The following XPA variants were observed in gnomAD, a reference collection of about 807,000 sequenced individuals.
XPA encodes DNA repair protein complementing XP-A cells.
XPA carries 27 observed loss-of-function variants against 35.7 expected under a neutral mutation model. The ratio of observed to expected loss-of-function variants is 0.76; its 90% CI spans 0.56 to 1.04. The LOEUF (loss-of-function observed/expected upper bound fraction) is 1.04. XPA is among the 50% of genes least tolerant of loss of function. The probability of loss-of-function intolerance (pLI) is 0.00; values close to 1 mark genes in which losing one functional copy is unlikely to be tolerated. For synonymous variants in XPA, 133 were observed against 118.4 expected (o/e 1.12, Z -0.80); for missense variants, 354 against 342.7 (o/e 1.03, Z -0.26).
At position 97,697,220 on chromosome 9, in the gene XPA, G is replaced by A; in HGVS notation, c.73C>T (p.Arg25Trp). The A allele has an allele frequency of 1.2e-6, 2 of 1,601,148 alleles. No individual in the cohort carries two copies. Among genetic ancestry groups the A allele is most frequent in the Non-Finnish European group, 8.5e-7 (1 of 1,178,922 alleles). ...EQPAELPASV[R>W]ASIERKRQRA... ...TGCCGCTTCCGCTCGATACTCGCCC[G>A]CACCGAGGCAGGCAGCTCCGCGGGT... Residue 25 changes from arginine to tryptophan, a missense_variant, in exon 1 of 6, where the codon CGG becomes TGG. By Grantham distance (101) the Arg-to-Trp change is moderately radical. Transcript: ENST00000375128.
At chr9:97,660,518 T>C in the XPA span, among the ~76,000 whole-genome samples, 1 of 152,192 alleles carries the variant, frequency 6.6e-6, no homozygotes, top group Non-Finnish European at 1.5e-5. Context: ...TCAGACTTCA[T>C]TTCCACGGTC....
chr9:97,654,993 T>TTTATGAAGTACAGGAA, the XPA span: 1 of 1,386,996 alleles, frequency 7.2e-7, no homozygotes, highest in Non-Finnish European at 9.7e-7. Context: ...TTTTACTTCC[T>TTTATGAAGTACAGGAA]GTACTTCATA....
chr9:97,693,572 G>A (rs993825411), intron 2 of XPA, 77 bp downstream of exon 2: 42 of 1,220,998 alleles, frequency 3.4e-5, no homozygotes, highest in Non-Finnish European at 5.0e-5. Flanking sequence ...GCATTATTTA[G>A]CATCACTTTG....
At chr9:97,661,139 C>T in the XPA span, 7 of 1,569,958 alleles carry the variant, frequency 4.5e-6, no homozygotes, top group Non-Finnish European at 6.1e-6. Context: ...ATAACTCTGG[C>T]AACATGATGC....
At chr9:97,657,095 T>G in the XPA span, among the ~76,000 whole-genome samples, 1 of 152,188 alleles carries the variant, frequency 6.6e-6, no homozygotes, top group Non-Finnish European at 1.5e-5. Flanking sequence ...AGCCTCCTGG[T>G]AGCTGGGACT....
chr9:97,666,967 AT>A, the XPA span: 3 of 993,162 alleles, frequency 3.0e-6, no homozygotes, highest in Non-Finnish European at 4.3e-6. Flanking sequence ...ATGATATTTC[AT>A]TTTTTCTGAG....
At chr9:97,674,316 T>TA (rs11300168), downstream of XPA, among the ~76,000 whole-genome samples, 1,068 of 151,878 alleles carry the variant, frequency 7.0e-3, 11 homozygotes, top group African/African-American at 0.023. Context: ...TGAAGGTGTT[T>TA]AAAAAAAAAT....
chr9:97,658,588 G>T, the XPA span: 1 of 1,398,656 alleles, frequency 7.1e-7, no homozygotes. Context: ...GGGTGTTACC[G>T]AAGAATGGGA....
intron 4 of XPA, among the ~76,000 whole-genome samples, chr9:97,685,920 G>A (rs1469445127): frequency 6.6e-6 from 1 of 152,254 alleles, no homozygotes; most frequent in South Asian, 2.1e-4. Context: ...CCTTTTATGT[G>A]TGCAAAAGTC....
At chr9:97,677,000 T>A (rs995845614) in intron 5 of XPA, among the ~76,000 whole-genome samples, 2 of 152,164 alleles carry the variant, frequency 1.3e-5, no homozygotes, top group African/African-American at 4.8e-5. Flanking sequence ...TAACCAGAAC[T>A]CCACAGATGC....
At chr9:97,655,381 AC>A in the XPA span, among the ~76,000 whole-genome samples, 1 of 151,748 alleles carries the variant, frequency 6.6e-6, no homozygotes, top group Non-Finnish European at 1.5e-5. Flanking sequence ...CACCTGGCCT[AC>A]AATTTCATAA....
the XPA span, among the ~76,000 whole-genome samples, chr9:97,657,358 C>A: frequency 6.6e-6 from 1 of 152,032 alleles, no homozygotes; most frequent in African/African-American, 2.4e-5. Context: ...TTTTTTCTAT[C>A]TTTGTGTTTT....
intron 3 of XPA, among the ~76,000 whole-genome samples, chr9:97,689,048 A>C (rs1052298818): frequency 6.6e-6 from 1 of 152,234 alleles, no homozygotes; most frequent in Admixed American, 6.5e-5. Context: ...GAAGAAAAAG[A>C]ATGGAAGAAT....
At chr9:97,681,780 G>A (rs971716035) in intron 5 of XPA, among the ~76,000 whole-genome samples, 5 of 152,148 alleles carry the variant, frequency 3.3e-5, no homozygotes, top group Non-Finnish European at 7.3e-5. Flanking sequence ...ATGTGTAACA[G>A]TCCTCTCTTT....
chr9:97,660,483 T>C, the XPA span, among the ~76,000 whole-genome samples: 2 of 152,278 alleles, frequency 1.3e-5, no homozygotes, highest in East Asian at 1.9e-4. Flanking sequence ...CTCTCTGAAG[T>C]TGGCAGCCAT....
At chr9:97,673,437 A>G (rs1413888417), downstream of XPA, 1 of 152,338 alleles carries the variant, frequency 6.6e-6, no homozygotes, top group South Asian at 2.1e-4. Context: ...TTTGATCCAC[A>G]TTCTAGAGAA....
At chr9:97,673,141 A>C (rs1388659519), downstream of XPA, 1 of 152,244 alleles carries the variant, frequency 6.6e-6, no homozygotes, top group East Asian at 1.9e-4. Context: ...AAAGAAAAAA[A>C]ATATATAGCA....
the XPA span, among the ~76,000 whole-genome samples, chr9:97,659,310 G>T: frequency 6.6e-6 from 1 of 152,250 alleles, no homozygotes; most frequent in South Asian, 2.1e-4. Context: ...TTTCCAACTT[G>T]TTCTTTGCAG....
chr9:97,696,920 G>A (rs896099337), intron 1 of XPA, among the ~76,000 whole-genome samples: 2 of 152,228 alleles, frequency 1.3e-5, no homozygotes, highest in Non-Finnish European at 2.9e-5. Flanking sequence ...GTGCGACAGA[G>A]GAACGCTCTG....
Sources: gnomAD v4.1 joint callset for allele counts (sites outside exome capture counted in the v4.1 genomes callset) on GRCh38, gnomAD v4.1.1 for gene constraint, MANE v1.5 for transcripts, NCBI Gene and HGNC (gene_info 2026-07-23, HGNC 2026-07-21) for gene names.